ANKRD10: variants seen among roughly 807,000 people sequenced by gnomAD.
ANKRD10 encodes ankyrin repeat domain 10.
A neutral mutation model predicts 27.0 loss-of-function variants in ANKRD10; 14 were observed. That is an observed-to-expected ratio of 0.52 (90% CI 0.34 to 0.81). The LOEUF (loss-of-function observed/expected upper bound fraction) is 0.81. Ranked by LOEUF, ANKRD10 falls within the 40% of genes least tolerant of loss-of-function variation. The pLI is 0.01. For synonymous variants in ANKRD10, 250 were observed against 224.5 expected (o/e 1.11, Z -1.01); for missense variants, 493 against 544.0 (o/e 0.91, Z 0.93).
intron 1 of ANKRD10, among the ~76,000 whole-genome samples, chr13:110,912,352 TAC>T (rs1435376843): frequency 1.3e-5 from 2 of 152,184 alleles, no homozygotes; most frequent in African/African-American, 2.4e-5. Context: ...AGATGAAGAG[TAC>T]ACAGATTCAA....
chr13:110,906,514 G>A (rs1248679816), intron 2 of ANKRD10, among the ~76,000 whole-genome samples: 1 of 152,068 alleles, frequency 6.6e-6, no homozygotes, highest in African/African-American at 2.4e-5. Context: ...CCAAGAAATA[G>A]CACATAATAG....
chr13:110,900,692 T>C (rs1475476198), intron 3 of ANKRD10: 2 of 1,350,944 alleles, frequency 1.5e-6, no homozygotes, highest in African/African-American at 3.0e-5. Context: ...TCGAATTACG[T>C]AGCTGTAAAA....
Position 110,891,666 on chromosome 13 carries a change from T to C in ANKRD10, c.691+1362A>G, listed in dbSNP as rs189192259. 1.1e-3 allele frequency among the ~76,000 whole-genome samples: 170 copies of C among 152,302 alleles called. 2 individuals carry two copies. The highest frequency in any genetic ancestry group is 0.01 in the Admixed American group (155 of 15,300). ...ATGAAATTTAACCAAAATCTCTAGA[T>C]TTTTAAGTGATTAACTGATAGTCAC... On this transcript the variant is annotated intron_variant, in intron 4 of 5. Transcript: ENST00000267339.
At chr13:110,893,676 A>G (rs989263618) in intron 3 of ANKRD10, among the ~76,000 whole-genome samples, 1 of 152,230 alleles carries the variant, frequency 6.6e-6, no homozygotes, top group Admixed American at 6.5e-5. Flanking sequence ...CATGGCATTC[A>G]TAACTGTCTT....
Position 110,878,540 on chromosome 13 carries a change from T to A in ANKRD10, c.*1097A>T, listed in dbSNP as rs1355111527. 4 of 152,192 alleles carry A rather than the reference T, an allele frequency of 2.6e-5. No individual in the cohort carries two copies. The highest frequency in any genetic ancestry group is 6.5e-5 in the Admixed American group (1 of 15,282). 9.4% of individuals were successfully genotyped at this position (152,192 alleles called of 1,614,324 possible). On this transcript the variant is annotated 3_prime_UTR_variant, in exon 6 of 6. Coordinates refer to ENST00000267339, the MANE Select transcript of ANKRD10 (RefSeq NM_017664.4). ...CCAGAGAGAAACCCCAGGGACACAC[T>A]GAGTGTGAGAGTTTTTTATTCAATT...
intron 2 of ANKRD10, among the ~76,000 whole-genome samples, chr13:110,909,217 T>C (rs1412125750): frequency 1.3e-5 from 2 of 152,190 alleles, no homozygotes; most frequent in Admixed American, 1.3e-4. Flanking sequence ...CCTACAAAAA[T>C]GATATACTTA....
At chr13:110,893,715 G>C (rs1052081192) in intron 3 of ANKRD10, among the ~76,000 whole-genome samples, 1 of 152,032 alleles carries the variant, frequency 6.6e-6, no homozygotes, top group African/African-American at 2.4e-5. Context: ...GCTCACCAAC[G>C]AGCCAGCCTT....
chr13:110,914,582 G>T, intron 1 of ANKRD10, 143 bp downstream of exon 1: 1 of 1,266,878 alleles, frequency 7.9e-7, no homozygotes. Flanking sequence ...AGGCGCCCTA[G>T]GCCCCTCGGG....
At chr13:110,889,895 G>A (rs2065029924) in intron 4 of ANKRD10, among the ~76,000 whole-genome samples, 1 of 152,096 alleles carries the variant, frequency 6.6e-6, no homozygotes, top group African/African-American at 2.4e-5. Context: ...TACAAGTTAC[G>A]CAGCCAAGAT....
At chr13:110,891,978 G>A (rs181129697) in intron 4 of ANKRD10, among the ~76,000 whole-genome samples, 2 of 148,756 alleles carry the variant, frequency 1.3e-5, no homozygotes, top group African/African-American at 5.0e-5. Context: ...CTCCCAAAGT[G>A]CTGGGATTAC....
chr13:110,884,361 G>A (rs1470695556), intron 4 of ANKRD10, among the ~76,000 whole-genome samples: 3 of 152,024 alleles, frequency 2.0e-5, no homozygotes, highest in African/African-American at 4.8e-5. Flanking sequence ...AAAGCTACAC[G>A]GGCACTTCAC....
In ANKRD10 at chr13:110,915,052, C is replaced by T. The variant is rs2065855372; in HGVS notation, c.-118G>A. ...TAGCGCCGCGGTCGCGTCCCACAGG[C>T]TGCCGAGCGGAGCGCGCACAGAGGG... is the stretch of plus-strand genomic sequence containing the variant. On this transcript the variant is annotated 5_prime_UTR_variant, in exon 1 of 6. Transcript: ENST00000267339. The T allele has an allele frequency of 2.1e-6, 3 of 1,419,626 alleles. No homozygotes were observed. The highest frequency in any genetic ancestry group is 5.4e-5 in the East Asian group (2 of 36,962). 87.9% of individuals were successfully genotyped at this position (1,419,626 alleles called of 1,614,324 possible). A position where few individuals can be genotyped will look rare whatever the true frequency, so the allele number is the denominator to read the frequency against.
chr13:110,902,049 GAAAAAAA>G (rs10656736), intron 3 of ANKRD10, among the ~76,000 whole-genome samples: 12 of 115,416 alleles, frequency 1.0e-4, no homozygotes, highest in Admixed American at 4.7e-4. Flanking sequence ...TCTCTTTTTA[GAAAAAAA>G]AAAAAAAAAA....
At chr13:110,908,239 T>C (rs1286363308) in intron 2 of ANKRD10, among the ~76,000 whole-genome samples, 1 of 152,050 alleles carries the variant, frequency 6.6e-6, no homozygotes, top group Non-Finnish European at 1.5e-5. Flanking sequence ...CCAATCTAGA[T>C]ATGAAAAATT....
At chr13:110,914,684 G>A in intron 1 of ANKRD10, 41 bp downstream of exon 1, 5 of 1,531,704 alleles carry the variant, frequency 3.3e-6, no homozygotes, top group Non-Finnish European at 4.4e-6. Context: ...ACTCCCACTG[G>A]ACAGCCGGGG....
intron 3 of ANKRD10, chr13:110,900,494 T>C (rs890049387): frequency 1.0e-5 from 12 of 1,203,508 alleles, no homozygotes; most frequent in Admixed American, 3.0e-5. Context: ...TCTGAATTCC[T>C]AGATTAGCGT....
rs547598447 is a variant in ANKRD10 at position 110,882,678 on chromosome 13, A to AT, written c.787+1019dup. Among the ~76,000 whole-genome samples, 780 of 152,338 alleles carry AT rather than the reference A, an allele frequency of 5.1e-3. 4 individuals are homozygous for AT. Among genetic ancestry groups the AT allele is most frequent in the African/African-American group, 0.018 (736 of 41,568 alleles). ...AGCCCCTGACTACAGAAAACCTATT[A>AT]TTTTAAATATACTAACTGATCTGAA... On this transcript the variant is annotated intron_variant, in intron 5 of 5. Coordinates refer to ENST00000267339, the MANE Select transcript of ANKRD10 (RefSeq NM_017664.4).
intron 3 of ANKRD10, among the ~76,000 whole-genome samples, chr13:110,896,055 G>A (rs1221658198): frequency 6.6e-6 from 1 of 152,212 alleles, no homozygotes; most frequent in Non-Finnish European, 1.5e-5. Flanking sequence ...AAGGAAGCAA[G>A]AACAATCACA....
intron 4 of ANKRD10, among the ~76,000 whole-genome samples, chr13:110,886,828 A>G (rs1384906498): frequency 6.6e-6 from 1 of 152,160 alleles, no homozygotes; most frequent in Non-Finnish European, 1.5e-5. Context: ...CTATCTTAAT[A>G]TTGATTCTTA....
Sources: gnomAD v4.1 joint callset for allele counts (sites outside exome capture counted in the v4.1 genomes callset) on GRCh38, gnomAD v4.1.1 for gene constraint, MANE v1.5 for transcripts, NCBI Gene and HGNC (gene_info 2026-07-23, HGNC 2026-07-21) for gene names.